Variants in CHST15 observed in about 807,000 individuals in gnomAD.
The protein encoded by CHST15 is carbohydrate sulfotransferase 15.
A neutral mutation model predicts 53.6 loss-of-function variants in CHST15; 30 were observed. The observed-to-expected ratio is 0.56, with a 90% CI of 0.42 to 0.76. The LOEUF (loss-of-function observed/expected upper bound fraction) is 0.76, where lower values mean the gene tolerates loss of function less well. Ranked by LOEUF, CHST15 falls within the 30% of genes least tolerant of loss-of-function variation. The probability of loss-of-function intolerance (pLI) is 0.00; values close to 1 mark genes in which losing one functional copy is unlikely to be tolerated. For synonymous variants in CHST15, 296 were observed against 289.8 expected (o/e 1.02, Z -0.22); for missense variants, 627 against 740.5 (o/e 0.85, Z 1.78).
chr10:124,082,959 A>G (rs139191183), intron 1 of CHST15, among the ~76,000 whole-genome samples: 1 of 152,318 alleles, frequency 6.6e-6, no homozygotes, highest in East Asian at 1.9e-4. Context: ...GGTGATAGCT[A>G]AGGTGTACAA....
rs576958431 is a variant in CHST15, at chr10:124,025,685, T to C, written c.1191-4273A>G. Among the ~76,000 whole-genome samples, 3 of 152,322 alleles carry C rather than the reference T, an allele frequency of 2.0e-5. No homozygotes were observed. The South Asian group carries it at 6.2e-4, about 32-fold the overall frequency. On this transcript the variant is annotated intron_variant, in intron 5 of 7. Transcript: ENST00000435907. ...TTCTTGGAAATAGGGTCTTTGCAGA[T>C]GTCATTAAGTGTAGGATCTTAAGAC...
At chr10:124,089,370 C>A (rs1220957175) in intron 1 of CHST15, among the ~76,000 whole-genome samples, 1 of 152,234 alleles carries the variant, frequency 6.6e-6, no homozygotes, top group Non-Finnish European at 1.5e-5. Flanking sequence ...GGCATCTCTG[C>A]AATCCTGGGC....
rs370575368 is a variant in CHST15 at position 124,038,660 on chromosome 10, C to T, written c.1045G>A (p.Ala349Thr). The T allele has an allele frequency of 4.3e-6, 7 of 1,613,960 alleles. No individual in the cohort carries two copies. Among genetic ancestry groups the T allele is most frequent in the Non-Finnish European group, 1.7e-6 (2 of 1,179,986 alleles). ...MNTIIIGEASASTMWDNNAWT... is the reference protein window; with the variant it reads ...MNTIIIGEASTSTMWDNNAWT... ...GCATTATTATCCCACATCGTGGAGG[C>T]ACTGGCCTCCCCTGGAAACAGAAAA... Residue 349 changes from alanine (A) to threonine (T), a missense_variant, in exon 5 of 8, where the codon GCC (alanine) becomes ACC (threonine). Ala to Thr is a moderately conservative substitution (Grantham distance 58). Coordinates refer to ENST00000435907, the MANE Select transcript of CHST15 (RefSeq NM_001270764.2).
At chr10:124,034,147 C>T (rs1175512768) in intron 5 of CHST15, among the ~76,000 whole-genome samples, 5 of 152,180 alleles carry the variant, frequency 3.3e-5, no homozygotes, top group Non-Finnish European at 7.4e-5. Flanking sequence ...ATGCTCAGTG[C>T]CCAGCACAGC....
Position 124,011,053 on chromosome 10 carries a change from G to A in CHST15, c.1496-714C>T, listed in dbSNP as rs747203964. On this transcript the variant is annotated intron_variant, in intron 7 of 7. Transcript: ENST00000435907. ...CGCCCCGCCCTCTGGAGTGAGGAGA[G>A]GCCCTGGAAAAGGCCGGGAGGGGCT... 5.1e-6 allele frequency: 5 copies of A among 982,920 alleles called. No individual in the cohort carries two copies. In the East Asian group the frequency reaches 3.4e-4, roughly 67 times the overall value. 60.9% of individuals were successfully genotyped at this position (982,920 alleles called of 1,614,324 possible).
intron 1 of CHST15, among the ~76,000 whole-genome samples, chr10:124,051,867 A>G (rs1250458774): frequency 6.6e-6 from 1 of 152,198 alleles, no homozygotes; most frequent in African/African-American, 2.4e-5. Flanking sequence ...TCAGTGTAAG[A>G]TCGATAAAGG....
intron 3 of CHST15, among the ~76,000 whole-genome samples, chr10:124,044,037 C>T (rs1244291719): frequency 2.0e-5 from 3 of 149,986 alleles, no homozygotes; most frequent in Non-Finnish European, 4.4e-5. Context: ...GGGAGCAGCA[C>T]AGAGCCAAGG....
chr10:124,068,497 T>C (rs1252634991), intron 1 of CHST15, among the ~76,000 whole-genome samples: 2 of 152,228 alleles, frequency 1.3e-5, no homozygotes, highest in Admixed American at 1.3e-4. Flanking sequence ...TTTGGCTTTT[T>C]AGCTGATGGG....
chr10:124,016,175 C>T (rs1209714120), intron 6 of CHST15, among the ~76,000 whole-genome samples: 3 of 152,042 alleles, frequency 2.0e-5, no homozygotes, highest in Non-Finnish European at 2.9e-5. Context: ...GGAACAGTGG[C>T]GGGGGCTGGC....
chr10:124,054,074 C>T (rs972100819), intron 1 of CHST15, among the ~76,000 whole-genome samples: 2 of 152,132 alleles, frequency 1.3e-5, no homozygotes, highest in African/African-American at 2.4e-5. Flanking sequence ...TCCACTGCCC[C>T]ACACTCCCCC....
intron 5 of CHST15, among the ~76,000 whole-genome samples, chr10:124,034,567 T>C (rs1372997674): frequency 3.5e-5 from 5 of 143,736 alleles, no homozygotes; most frequent in Admixed American, 1.4e-4. Context: ...ACAGGGACCC[T>C]GGCTTCATCC....
At chr10:124,043,924 G>A (rs1289052397) in intron 3 of CHST15, among the ~76,000 whole-genome samples, 2 of 151,802 alleles carry the variant, frequency 1.3e-5, no homozygotes, top group South Asian at 2.1e-4. Context: ...ACAGAGCAGG[G>A]GAACAGCACA....
chr10:124,028,456 T>C (rs1014410849), intron 5 of CHST15, among the ~76,000 whole-genome samples: 1 of 152,214 alleles, frequency 6.6e-6, no homozygotes, highest in Non-Finnish European at 1.5e-5. Context: ...ATCGTTTTTA[T>C]ATTGAGAAAT....
intron 1 of CHST15, among the ~76,000 whole-genome samples, chr10:124,055,840 G>C (rs1948361174): frequency 6.6e-6 from 1 of 152,210 alleles, no homozygotes; most frequent in African/African-American, 2.4e-5. Flanking sequence ...GGAAATGCAA[G>C]ACAGTGAAGC....
rs376833025 is a variant in CHST15, at chr10:124,010,209, G to A, written c.1626C>T (p.Pro542=). Residue 542 remains proline (P), a synonymous_variant, in exon 8 of 8, where the codon CCC becomes CCT. Transcript: ENST00000435907. ...TQKILRDFYR[P]FNARLAQVLA... ...GGACCTGCGCCAGCCTAGCGTTGAAGGGCCTGTAGAAATCCCGCAGAATCT... is the reference window on the plus strand; with the variant it reads ...GGACCTGCGCCAGCCTAGCGTTGAAAGGCCTGTAGAAATCCCGCAGAATCT... The A allele has an allele frequency of 1.3e-5, 21 of 1,613,952 alleles. 1 individual carries two copies. In the East Asian group the frequency reaches 2.0e-4, roughly 15 times the overall value.
chr10:124,010,773 T>A lies in CHST15; in HGVS notation c.1496-434A>T, dbSNP rs779109953. On this transcript the variant is annotated intron_variant, in intron 7 of 7. Coordinates refer to ENST00000435907, the MANE Select transcript of CHST15 (RefSeq NM_001270764.2). Reference sequence around the variant, plus strand: ...GGAATTCCGCCATCATCGTTTCTACTTCAGGCTGCTCATGCCAAGGTCCCT... The same window carrying A: ...GGAATTCCGCCATCATCGTTTCTACATCAGGCTGCTCATGCCAAGGTCCCT... 1.8e-4 allele frequency: 175 copies of A among 985,300 alleles called. 1 individual carries two copies. The highest frequency in any genetic ancestry group is 5.2e-4 in the Middle Eastern group (1 of 1,936). 61.0% of individuals were successfully genotyped at this position (985,300 alleles called of 1,614,324 possible). A position where few individuals can be genotyped will look rare whatever the true frequency, so the allele number is the denominator to read the frequency against.
chr10:124,052,944 A>T (rs1033828861), intron 1 of CHST15, among the ~76,000 whole-genome samples: 1 of 152,088 alleles, frequency 6.6e-6, no homozygotes. Context: ...GAGACAGGAG[A>T]ATCATTTGAA....
rs1946913517 is a variant in CHST15 at position 124,024,383 on chromosome 10, A to T, written c.1191-2971T>A. ...AGCCCTCTAGAATTCATCCACGGCC[A>T]ATGTCCACAGAGGACACCTCTTGGA... is the stretch of plus-strand genomic sequence containing the variant. On this transcript the variant is annotated intron_variant, in intron 5 of 7. Transcript: ENST00000435907. This position sits in a 1 kb window ranked among gnomAD's most constrained non-coding sequence, Gnocchi z 4.0. 6.6e-6 allele frequency among the ~76,000 whole-genome samples: 1 copy of T among 152,118 alleles called. No homozygotes were observed.
intron 6 of CHST15, chr10:124,020,887 A>C (rs1247413095): frequency 3.9e-6 from 5 of 1,281,954 alleles, no homozygotes; most frequent in Non-Finnish European, 4.9e-6. Context: ...TAAACCAACA[A>C]AACAATCCAC....
Sources: gnomAD v4.1 joint callset for allele counts (sites outside exome capture counted in the v4.1 genomes callset) on GRCh38, gnomAD v4.1.1 for gene constraint, Gnocchi (gnomAD v3.1) non-coding constraint, MANE v1.5 for transcripts, NCBI Gene and HGNC (gene_info 2026-07-23, HGNC 2026-07-21) for gene names.